The following OR51B5 variants were observed in gnomAD, a reference collection of about 807,000 sequenced individuals.
OR51B5 encodes olfactory receptor family 51 subfamily B member 5.
For synonymous variants in OR51B5, 186 were observed against 144.8 expected (o/e 1.28, Z -2.04); for missense variants, 456 against 374.6 (o/e 1.22, Z -1.79).
chr11:5,477,668 G>A (rs1168797931), intron 1 of OR51B5, among the ~76,000 whole-genome samples: 2 of 152,142 alleles, frequency 1.3e-5, no homozygotes, highest in Non-Finnish European at 2.9e-5. Flanking sequence ...CCGTGCGCGA[G>A]CCGAAGCAGG....
chr11:5,483,080 C>G (rs1395059121), intron 1 of OR51B5, among the ~76,000 whole-genome samples: 9 of 150,286 alleles, frequency 6.0e-5, no homozygotes, highest in African/African-American at 1.7e-4. Flanking sequence ...CGGCATTATG[C>G]ACAATAGCAA....
chr11:5,396,494 C>G (rs1265487925), intron 1 of OR51B5, among the ~76,000 whole-genome samples: 1 of 152,022 alleles, frequency 6.6e-6, no homozygotes, highest in Non-Finnish European at 1.5e-5. Flanking sequence ...AGGAATCCAA[C>G]TTACAAGGGA....
chr11:5,396,622 T>C (rs1849876385), intron 1 of OR51B5, among the ~76,000 whole-genome samples: 2 of 151,740 alleles, frequency 1.3e-5, no homozygotes, highest in South Asian at 2.1e-4. Context: ...AAAATGGCCA[T>C]ACTGCCCAAG....
At chr11:5,403,607 G>A in intron 1 of OR51B5, 2 of 430,310 alleles carry the variant, frequency 4.6e-6, no homozygotes, top group Admixed American at 2.5e-5. Context: ...ATAATAACAG[G>A]TGGCCCTAGA....
intron 1 of OR51B5, among the ~76,000 whole-genome samples, chr11:5,415,427 G>A (rs931890000): frequency 6.6e-6 from 1 of 150,812 alleles, no homozygotes; most frequent in African/African-American, 2.4e-5. Context: ...ACTAAAATCA[G>A]AGCAGAACTA....
chr11:5,363,974 G>C (rs149728699), intron 1 of OR51B5, among the ~76,000 whole-genome samples: 1 of 152,172 alleles, frequency 6.6e-6, no homozygotes, highest in African/African-American at 2.4e-5. Flanking sequence ...AGGAATGGAA[G>C]AATGCCTGGG....
chr11:5,406,807 G>T (rs1850064303), intron 1 of OR51B5, among the ~76,000 whole-genome samples: 1 of 152,104 alleles, frequency 6.6e-6, no homozygotes, highest in South Asian at 2.1e-4. Context: ...TATTTATTGA[G>T]ATTTTTTCCC....
chr11:5,456,502 C>G (rs1053898355), intron 1 of OR51B5: 6 of 151,930 alleles, frequency 3.9e-5, no homozygotes, highest in African/African-American at 1.2e-4. Flanking sequence ...TTAACATAAT[C>G]TTTTTTGAAC....
chr11:5,387,523 A>T (rs953316660), intron 1 of OR51B5, among the ~76,000 whole-genome samples: 15 of 151,876 alleles, frequency 9.9e-5, no homozygotes, highest in Non-Finnish European at 2.1e-4. Context: ...TCTCAACTCG[A>T]AGCTCACAAG....
Position 5,343,047 on chromosome 11 carries a change from G to A in OR51B5, c.478C>T (p.Pro160Ser), listed in dbSNP as rs201073099. ...TGACAATACAGAAAAAAATAGAGGG[G>A]CCTGATTGGGGGAACAACGGATACA... The change falls in exon 1 of 1, where the codon CCC becomes TCC. Residue 160 changes from proline (P) to serine (S), a missense_variant. Pro to Ser is a moderately conservative substitution (Grantham distance 74, BLOSUM62 -1). Transcript: ENST00000300773. The A allele has an allele frequency of 4.8e-5, 78 of 1,613,330 alleles. 1 individual carries two copies. Among genetic ancestry groups the A allele is most frequent in the Non-Finnish European group, 3.1e-5 (37 of 1,179,624 alleles).
rs535616737 is a variant in OR51B5, at chr11:5,374,355, A to C, written n.85-27445T>G. Among the ~76,000 whole-genome samples, 4 of 152,244 alleles carry C rather than the reference A, an allele frequency of 2.6e-5. No individual in the cohort carries two copies. In the South Asian group the frequency reaches 6.2e-4, roughly 24 times the overall value. On this transcript the variant is annotated intron_variant and non_coding_transcript_variant, in intron 1 of 4. Transcript: ENST00000415970. The stretch of plus-strand genomic sequence containing the variant: ...GTACATCACTATCATCAAAGACCAA[A>C]AGTAGATACAACCACAAAGTTGGGG...
At chr11:5,448,544 A>T (rs1850802753) in intron 1 of OR51B5, among the ~76,000 whole-genome samples, 1 of 152,236 alleles carries the variant, frequency 6.6e-6, no homozygotes. Context: ...GGAAGGAGTT[A>T]TAAGCAACCA....
At chr11:5,345,407 C>G (rs1250886151), upstream of OR51B5, among the ~76,000 whole-genome samples, 1 of 151,940 alleles carries the variant, frequency 6.6e-6, no homozygotes, top group African/African-American at 2.4e-5. Context: ...GAGACAGATG[C>G]ATTTTTGAAG....
At chr11:5,487,409 C>G (rs418756) in intron 1 of OR51B5, among the ~76,000 whole-genome samples, 144,941 of 152,194 alleles carry the variant, frequency 0.95, 69,097 homozygotes, top group South Asian at 0.99. Flanking sequence ...AAAAACTAAG[C>G]CACAAAAAGG....
At chr11:5,437,823 C>A (rs1179391029) in intron 1 of OR51B5, among the ~76,000 whole-genome samples, 2 of 152,142 alleles carry the variant, frequency 1.3e-5, no homozygotes, top group East Asian at 3.8e-4. Flanking sequence ...ATCCATTTTA[C>A]TTCTTGTTCA....
intron 1 of OR51B5, chr11:5,441,155 C>G (rs773751717): frequency 6.2e-7 from 1 of 1,614,026 alleles, no homozygotes; most frequent in East Asian, 2.2e-5. Context: ...GATCCAAGCT[C>G]ATGGCCAGCA....
At chr11:5,424,124 T>C (rs991109221) in intron 1 of OR51B5, among the ~76,000 whole-genome samples, 1 of 152,182 alleles carries the variant, frequency 6.6e-6, no homozygotes, top group Non-Finnish European at 1.5e-5. Context: ...CAGCTTCTGA[T>C]TGCTGGATTC....
intron 1 of OR51B5, among the ~76,000 whole-genome samples, chr11:5,463,675 TTTA>T (rs1317016639): frequency 3.3e-5 from 5 of 152,240 alleles, no homozygotes; most frequent in Non-Finnish European, 7.3e-5. Context: ...AGCTCATTCA[TTTA>T]TTTTGTTCAC....
At chr11:5,401,890 T>TCTC (rs1564801098) in intron 1 of OR51B5, among the ~76,000 whole-genome samples, 3 of 98,996 alleles carry the variant, frequency 3.0e-5, no homozygotes, top group East Asian at 2.6e-4. Context: ...TTCTCTCTCT[T>TCTC]CCTTCCTTCC....
Sources: allele counts gnomAD v4.1 joint callset (sites outside exome capture counted in the v4.1 genomes callset), GRCh38; gene constraint gnomAD v4.1.1; transcripts MANE v1.5; gene names NCBI Gene and HGNC (gene_info 2026-07-23, HGNC 2026-07-21).